DYM: variants seen among roughly 807,000 people sequenced by gnomAD.
DYM encodes dymeclin.
Under a neutral mutation model 93.1 loss-of-function variants are expected in DYM, and 78 were observed. The observed-to-expected ratio is 0.84, with a 90% confidence interval of 0.70 to 1.01. The LOEUF (loss-of-function observed/expected upper bound fraction) is 1.01. DYM is among the 50% of genes least tolerant of loss of function. DYM has a pLI of 0.00. For synonymous variants in DYM, 321 were observed against 319.7 expected (o/e 1.00, Z -0.04); for missense variants, 789 against 845.0 (o/e 0.93, Z 0.82).
intron 1 of DYM, among the ~76,000 whole-genome samples, chr18:49,444,320 A>T (rs1016921249): frequency 6.6e-6 from 1 of 152,188 alleles, no homozygotes; most frequent in African/African-American, 2.4e-5. Flanking sequence ...AGTTTTACTG[A>T]AATGTTTCAA....
chr18:49,209,550 C>T lies in DYM; in HGVS notation c.1625+1G>A, dbSNP rs779469429. The T allele has an allele frequency of 1.4e-5, 18 of 1,288,786 alleles. No homozygotes were observed. Among genetic ancestry groups the T allele is most frequent in the Non-Finnish European group, 1.7e-5 (17 of 988,482 alleles). 79.8% of individuals were successfully genotyped at this position (1,288,786 alleles called of 1,614,324 possible). ...GTAAATGGACAGCAGAGGTTAATAA[C>T]CTGGAAGCATAGGATCTGAGAATGT... On this transcript the variant is annotated splice_donor_variant, in intron 14 of 17. Coordinates refer to ENST00000675505, the MANE Select transcript of DYM (RefSeq NM_001353214.3). LOFTEE classifies it high-confidence loss of function.
intron 8 of DYM, among the ~76,000 whole-genome samples, chr18:49,313,461 A>AC (rs2061725242): frequency 1.9e-5 from 2 of 106,370 alleles, no homozygotes; most frequent in African/African-American, 4.1e-5. Flanking sequence ...AGACTCTGTC[A>AC]CAAAAAAAAA....
intron 13 of DYM, among the ~76,000 whole-genome samples, chr18:49,243,738 A>G (rs1166722540): frequency 6.6e-6 from 1 of 152,086 alleles, no homozygotes; most frequent in East Asian, 1.9e-4. Context: ...CTCAGAGAAC[A>G]TACTTAGAAT....
intron 13 of DYM, among the ~76,000 whole-genome samples, chr18:49,255,925 CA>C (rs1222971733): frequency 6.7e-6 from 1 of 148,582 alleles, no homozygotes; most frequent in Admixed American, 6.7e-5. Context: ...ACTAAAAATA[CA>C]AAAAAAAATT....
At chr18:49,433,076 T>C (rs973202710) in intron 1 of DYM, among the ~76,000 whole-genome samples, 5 of 151,758 alleles carry the variant, frequency 3.3e-5, no homozygotes, top group African/African-American at 4.9e-5. Context: ...AAGGAAGAAA[T>C]TCAAGAAACA....
chr18:49,395,275 T>C (rs1056796817), intron 2 of DYM, among the ~76,000 whole-genome samples: 3 of 150,424 alleles, frequency 2.0e-5, no homozygotes, highest in Non-Finnish European at 1.5e-5. Context: ...AGGAACTCAA[T>C]GGCAAAAAAA....
intron 17 of DYM, among the ~76,000 whole-genome samples, chr18:49,047,885 C>T (rs924563205): frequency 1.3e-5 from 2 of 152,148 alleles, no homozygotes; most frequent in African/African-American, 4.8e-5. Context: ...TACATCATGC[C>T]GTCTGAAGCT....
At chr18:49,066,932 C>T (rs1396819854) in intron 17 of DYM, among the ~76,000 whole-genome samples, 1 of 152,202 alleles carries the variant, frequency 6.6e-6, no homozygotes, top group Non-Finnish European at 1.5e-5. Flanking sequence ...CTATTGTATA[C>T]AGGGTCCCAG....
chr18:49,088,278 A>G (rs1286858878), intron 17 of DYM, among the ~76,000 whole-genome samples: 2 of 152,104 alleles, frequency 1.3e-5, no homozygotes, highest in Non-Finnish European at 2.9e-5. Flanking sequence ...ATCCATCTTG[A>G]ATTAATTTTT....
chr18:49,271,553 A>G (rs1481423370), intron 11 of DYM, among the ~76,000 whole-genome samples: 11 of 152,238 alleles, frequency 7.2e-5, no homozygotes, highest in Non-Finnish European at 1.3e-4. Flanking sequence ...CAGAACTGAA[A>G]GCATTTGCCT....
chr18:49,262,503 C>T (rs1426179354), intron 11 of DYM, among the ~76,000 whole-genome samples: 2 of 152,198 alleles, frequency 1.3e-5, no homozygotes, highest in Admixed American at 1.3e-4. Context: ...AACTAACACA[C>T]ATCTGGTTTG....
intron 16 of DYM, among the ~76,000 whole-genome samples, chr18:49,102,109 A>G (rs989907227): frequency 6.6e-6 from 1 of 152,222 alleles, no homozygotes; most frequent in Non-Finnish European, 1.5e-5. Context: ...TCTACTGCAT[A>G]GGAACCAATA....
intron 13 of DYM, among the ~76,000 whole-genome samples, chr18:49,244,056 A>C (rs1257348501): frequency 6.6e-6 from 1 of 152,204 alleles, no homozygotes; most frequent in Non-Finnish European, 1.5e-5. Flanking sequence ...GAGTTCCTAT[A>C]GTAATTTTTC....
intron 1 of DYM, among the ~76,000 whole-genome samples, chr18:49,432,936 C>G (rs1266963438): frequency 6.6e-6 from 1 of 152,168 alleles, no homozygotes; most frequent in African/African-American, 2.4e-5. Flanking sequence ...TATAGCTTTT[C>G]AAGCTACCAA....
At chr18:49,078,929 G>T (rs1284242886) in intron 17 of DYM, among the ~76,000 whole-genome samples, 1 of 152,188 alleles carries the variant, frequency 6.6e-6, no homozygotes, top group East Asian at 1.9e-4. Context: ...CTAATGAGAA[G>T]TGCAAGGTTA....
At chr18:49,077,852 T>G (rs1426667184) in intron 17 of DYM, among the ~76,000 whole-genome samples, 1 of 151,810 alleles carries the variant, frequency 6.6e-6, no homozygotes, top group Non-Finnish European at 1.5e-5. Context: ...TTAAAGCATA[T>G]CCTTTGCAGA....
chr18:49,421,524 G>T (rs934012776), intron 2 of DYM, among the ~76,000 whole-genome samples: 10 of 152,324 alleles, frequency 6.6e-5, no homozygotes, highest in African/African-American at 2.4e-4. Context: ...ACCAAAGATA[G>T]ATAAAACCAC....
Position 49,258,504 on chromosome 18 carries a change from G to T in DYM, c.1252-11C>A. 2 of 1,493,398 alleles carry T rather than the reference G, an allele frequency of 1.3e-6. No homozygotes were observed. The highest frequency in any genetic ancestry group is 1.7e-5 in the Admixed American group (1 of 59,810). The allele number at this position is 1,493,398 out of a possible 1,614,324, so 92.5% of individuals were successfully genotyped here. On this transcript the variant is annotated splice_polypyrimidine_tract_variant and intron_variant, in intron 11 of 17. Coordinates refer to ENST00000675505, the MANE Select transcript of DYM (RefSeq NM_001353214.3). ...AATATTTTTTAGTATCTGTAATGGG[G>T]AAGAAAAGTTTAAGTAAAAAATGAT...
intron 6 of DYM, among the ~76,000 whole-genome samples, chr18:49,361,813 C>T (rs1049258911): frequency 5.9e-5 from 9 of 152,056 alleles, no homozygotes; most frequent in South Asian, 2.1e-4. Flanking sequence ...CTCTGCCTCC[C>T]GACCTTGGTC....
Sources: gnomAD v4.1 joint callset for allele counts (sites outside exome capture counted in the v4.1 genomes callset) on GRCh38, gnomAD v4.1.1 for gene constraint, MANE v1.5 for transcripts, NCBI Gene and HGNC (gene_info 2026-07-23, HGNC 2026-07-21) for gene names.